The following DCAF13 variants were observed in gnomAD, a reference collection of about 807,000 sequenced individuals.
DCAF13 encodes the protein DDB1 and CUL4 associated factor 13.
Under a neutral mutation model 59.0 loss-of-function variants are expected in DCAF13, and 38 were observed. That is an observed-to-expected ratio of 0.64 (90% CI 0.50 to 0.84). The LOEUF (loss-of-function observed/expected upper bound fraction) is 0.84, where lower values mean the gene tolerates loss of function less well. Among genes scored for constraint, DCAF13 ranks in the 40% least tolerant of loss-of-function variants. DCAF13 has a pLI of 0.00. For synonymous variants in DCAF13, 173 were observed against 175.0 expected (o/e 0.99, Z 0.09); for missense variants, 469 against 558.4 (o/e 0.84, Z 1.61).
chr8:103,427,382 G>T lies in DCAF13; in HGVS notation c.624+130G>T, dbSNP rs1031506433. ...GTTTTGGCATTTTGTCAGTTTTCCC[G>T]ATTGTAAATGAGTTCTGATACCTTT... On this transcript the variant is annotated intron_variant, in intron 5 of 10. Coordinates refer to ENST00000612750, the MANE Select transcript of DCAF13 (RefSeq NM_015420.7). 6 of 779,758 alleles carry T rather than the reference G, an allele frequency of 7.7e-6. No homozygotes were observed. The East Asian group carries it at 1.1e-4, about 14-fold the overall frequency. The allele number at this position is 779,758 out of a possible 1,614,324, so 48.3% of individuals were successfully genotyped here. A position where few individuals can be genotyped will look rare whatever the true frequency, so the allele number is the denominator to read the frequency against.
Position 103,418,824 on chromosome 8 carries a change from TTATATATATATATATATATATATA to T in DCAF13, c.71-1420_71-1397del, listed in dbSNP as rs1188672878. On this transcript the variant is annotated intron_variant, in intron 1 of 10. Coordinates refer to ENST00000612750, the MANE Select transcript of DCAF13 (RefSeq NM_015420.7). ...GCTTAAAATTACTTTCTAAGCATAA[TTATATATATATATATATATATATA>T]TATATATATATATATATATTTTTTT... 7.3e-3 allele frequency among the ~76,000 whole-genome samples: 303 copies of T among 41,396 alleles called. 5 individuals are homozygous for T. The highest frequency in any genetic ancestry group is 0.021 in the African/African-American group (244 of 11,758). 27.2% of individuals were successfully genotyped at this position (41,396 alleles called of 152,430 possible).
At chr8:103,424,286 G>GAA (rs769196331) in intron 3 of DCAF13, among the ~76,000 whole-genome samples, 37 of 152,104 alleles carry the variant, frequency 2.4e-4, no homozygotes, top group Non-Finnish European at 4.7e-4. Context: ...CTCAGCCTCT[G>GAA]AAAGTGCTGG....
chr8:103,423,339 TACACACACAC>T (rs909698641), intron 3 of DCAF13, among the ~76,000 whole-genome samples: 1 of 151,536 alleles, frequency 6.6e-6, no homozygotes, highest in Non-Finnish European at 1.5e-5. Context: ...AAAAAAAAAG[TACACACACAC>T]ACGCACACAG....
chr8:103,435,601 CAA>C lies in DCAF13; in HGVS notation c.786-23_786-22del, dbSNP rs764620099. The C allele has an allele frequency of 2.7e-6, 4 of 1,496,826 alleles. No homozygotes were observed. In the African/African-American group the frequency reaches 5.6e-5, roughly 21 times the overall value. The allele number at this position is 1,496,826 out of a possible 1,614,324, so 92.7% of individuals were successfully genotyped here. A position where few individuals can be genotyped will look rare whatever the true frequency, so the allele number is the denominator to read the frequency against. ...ATGGCATCTTTCTAGAAATATGTGTCAAATATTTAAAAATTCTTTTACAGCTT... is the reference window on the plus strand; with the variant it reads ...ATGGCATCTTTCTAGAAATATGTGTCATATTTAAAAATTCTTTTACAGCTT... On this transcript the variant is annotated intron_variant, in intron 7 of 10. Transcript: ENST00000612750.
chr8:103,420,590 G>A (rs755726222), intron 2 of DCAF13, 127 bp downstream of exon 2: 30 of 962,046 alleles, frequency 3.1e-5, no homozygotes, highest in Middle Eastern at 2.8e-4. Flanking sequence ...ACTAAATTTC[G>A]TTAGGAATAC....
At chr8:103,441,781 C>CTTTT in intron 10 of DCAF13, 163 bp downstream of exon 10, 4 of 511,080 alleles carry the variant, frequency 7.8e-6, no homozygotes, top group East Asian at 4.1e-5. Context: ...TTTCTTTTTT[C>CTTTT]TTTTTTTTTT....
chr8:103,440,831 C>T (rs536565346), intron 9 of DCAF13: 1 of 152,090 alleles, frequency 6.6e-6, no homozygotes, highest in African/African-American at 2.4e-5. Context: ...TTCTAAATGT[C>T]CCATATTTTC....
At chr8:103,438,558 C>A (rs1234079775) in intron 8 of DCAF13, among the ~76,000 whole-genome samples, 3 of 151,830 alleles carry the variant, frequency 2.0e-5, no homozygotes. Flanking sequence ...CAGCACCACA[C>A]CTAGCTAATT....
At chr8:103,419,411 G>A (rs765345938) in intron 1 of DCAF13, among the ~76,000 whole-genome samples, 1 of 152,200 alleles carries the variant, frequency 6.6e-6, no homozygotes, top group African/African-American at 2.4e-5. Context: ...TTTTGGAACA[G>A]CGCCTGGCAC....
At position 103,443,116 on chromosome 8, in the gene DCAF13, C is replaced by G; in HGVS notation, c.*234C>G. 1 of 339,136 alleles carries G rather than the reference C, an allele frequency of 2.9e-6. No homozygotes were observed. 21.0% of individuals were successfully genotyped at this position (339,136 alleles called of 1,614,324 possible). On this transcript the variant is annotated 3_prime_UTR_variant, in exon 11 of 11. Transcript: ENST00000612750. ...TCATTGTAGAATACAGTATTTGCAACTCATTTTTTCTTGTTTTTATTACAG... is the reference window on the plus strand; with the variant it reads ...TCATTGTAGAATACAGTATTTGCAAGTCATTTTTTCTTGTTTTTATTACAG...
chr8:103,419,067 T>C lies in DCAF13; in HGVS notation c.71-1197T>C, dbSNP rs541988304. 1.5e-4 allele frequency among the ~76,000 whole-genome samples: 22 copies of C among 151,050 alleles called. No individual in the cohort carries two copies. The East Asian group carries it at 4.1e-3, about 28-fold the overall frequency. On this transcript the variant is annotated intron_variant, in intron 1 of 10. Transcript: ENST00000612750. ...ACCGCTGGCTAACTTTTTGTATTTT[T>C]AGTAGATGGGATTTCACTGTGGTAG...
chr8:103,441,255 G>A (rs1052424223), intron 9 of DCAF13, 200 bp from the exon 10 acceptor site: 18 of 478,220 alleles, frequency 3.8e-5, no homozygotes, highest in Non-Finnish European at 6.2e-5. Context: ...TCTACATGGC[G>A]AGTGTGTTGC....
In DCAF13 at chr8:103,427,253, G is replaced by C; in HGVS notation, c.624+1G>C. On this transcript the variant is annotated splice_donor_variant, in intron 5 of 10. Coordinates refer to ENST00000612750, the MANE Select transcript of DCAF13 (RefSeq NM_015420.7). LOFTEE classifies it high-confidence loss of function. The stretch of plus-strand genomic sequence containing the variant: ...TAGTGTTAAATTTAACCCAATTGAG[G>C]TAATGTTTTTTTTTAAGTATGTTTT... 6.2e-7 allele frequency: 1 copy of C among 1,608,904 alleles called. No individual in the cohort carries two copies. The highest frequency in any genetic ancestry group is 8.5e-7 in the Non-Finnish European group (1 of 1,177,270).
chr8:103,440,362 G>A, intron 9 of DCAF13, 91 bp downstream of exon 9: 1 of 1,231,000 alleles, frequency 8.1e-7, no homozygotes, highest in Non-Finnish European at 1.1e-6. Context: ...AGGTATTTTT[G>A]GGTATTTTGA....
In DCAF13 at chr8:103,442,798, A is replaced by G; in HGVS notation, c.1254A>G (p.Glu418=). ...RIMKEARRRK[E]VNRIKHSKPG... ...ATTTTGTATATTTTATTTCTAGGGA[A>G]GTGAATCGTATTAAACACAGCAAGC... The change falls in exon 11 of 11, where the codon GAA becomes GAG. Residue 418 remains glutamate, a synonymous_variant. Coordinates refer to ENST00000612750, the MANE Select transcript of DCAF13 (RefSeq NM_015420.7). 1 of 1,575,088 alleles carries G rather than the reference A, an allele frequency of 6.3e-7. No individual in the cohort carries two copies. The highest frequency in any genetic ancestry group is 8.6e-7 in the Non-Finnish European group (1 of 1,163,174).
intron 3 of DCAF13, among the ~76,000 whole-genome samples, chr8:103,423,662 A>G (rs1438522476): frequency 6.6e-6 from 1 of 152,214 alleles, no homozygotes; most frequent in Admixed American, 6.5e-5. Flanking sequence ...TATGAAAGTG[A>G]ATTAAATGTT....
chr8:103,421,326 C>T (rs201279500), intron 3 of DCAF13: 86 of 580,650 alleles, frequency 1.5e-4, no homozygotes, highest in Non-Finnish European at 2.4e-4. Context: ...AGAGGTAAGT[C>T]TAGAAAGAGT....
At chr8:103,421,525 C>T (rs1213343840) in intron 3 of DCAF13, among the ~76,000 whole-genome samples, 1 of 152,186 alleles carries the variant, frequency 6.6e-6, no homozygotes, top group East Asian at 1.9e-4. Context: ...CAACCATCAC[C>T]ACCATCTGTC....
chr8:103,442,647 C>CTA, intron 10 of DCAF13, 148 bp from the exon 11 acceptor site: 1 of 511,778 alleles, frequency 2.0e-6, no homozygotes, highest in Non-Finnish European at 3.5e-6. Flanking sequence ...TTTCTTGGTA[C>CTA]TAGCTTCCTT....
Sources: gnomAD v4.1 joint callset for allele counts (sites outside exome capture counted in the v4.1 genomes callset) on GRCh38, gnomAD v4.1.1 for gene constraint, MANE v1.5 for transcripts, NCBI Gene and HGNC (gene_info 2026-07-23, HGNC 2026-07-21) for gene names.